The following TPO variants were observed in gnomAD, a reference collection of about 807,000 sequenced individuals.
TPO encodes the protein thyroid microsomal antigen.
TPO carries 78 observed loss-of-function variants against 96.9 expected under a neutral mutation model. The observed-to-expected ratio is 0.81, with a 90% CI of 0.67 to 0.97. The LOEUF (loss-of-function observed/expected upper bound fraction) is 0.97, where lower values mean the gene tolerates loss of function less well. TPO is among the 50% of genes least tolerant of loss of function. TPO has a pLI of 0.00. For missense variants in TPO, 1,252 were observed against 1,274.8 expected, an observed-to-expected ratio of 0.98 and a Z score of 0.27; for synonymous variants, 547 against 538.0, an observed-to-expected ratio of 1.02 and a Z score of -0.23.
At chr2:1,452,461 G>T (rs1667393570) in intron 5 of TPO, among the ~76,000 whole-genome samples, 1 of 152,140 alleles carries the variant, frequency 6.6e-6, no homozygotes, top group East Asian at 1.9e-4. Flanking sequence ...ATTCCACTTT[G>T]GTTAGGAATT....
chr2:1,447,883 A>G (rs113048614), intron 5 of TPO, among the ~76,000 whole-genome samples: 1 of 152,194 alleles, frequency 6.6e-6, no homozygotes, highest in Admixed American at 6.5e-5. Flanking sequence ...GTATACAATT[A>G]TGAGAGAGAG....
intron 15 of TPO, among the ~76,000 whole-genome samples, chr2:1,524,487 T>C (rs1184082498): frequency 1.4e-5 from 1 of 70,968 alleles, no homozygotes. Context: ...GTGTGCAACC[T>C]CCTCAAATCC....
intron 1 of TPO, among the ~76,000 whole-genome samples, chr2:1,406,344 T>A (rs979888591): frequency 3.3e-5 from 5 of 152,276 alleles, no homozygotes; most frequent in African/African-American, 7.2e-5. Flanking sequence ...TACCATTTTT[T>A]AAAATTTATT....
At chr2:1,408,111 C>T (rs13400534) in intron 1 of TPO, among the ~76,000 whole-genome samples, 86,532 of 151,996 alleles carry the variant, frequency 0.57, 24,901 homozygotes, top group Admixed American at 0.65. Flanking sequence ...TTACAGAATG[C>T]TCTTTTGCCA....
intron 5 of TPO, among the ~76,000 whole-genome samples, chr2:1,440,134 CTGTGCTGCGTTTCCAA>C (rs1471493337): frequency 2.1e-5 from 3 of 140,574 alleles, no homozygotes; most frequent in African/African-American, 8.1e-5. Flanking sequence ...TACATTTCCA[CTGTGCTGCGTTTCCAA>C]TGTGCTGCGT....
At chr2:1,504,396 G>T (rs1414900165) in intron 14 of TPO, among the ~76,000 whole-genome samples, 10 of 152,162 alleles carry the variant, frequency 6.6e-5, no homozygotes, top group Non-Finnish European at 1.3e-4. Context: ...CTATGAAACA[G>T]GCAGGATTCA....
At chr2:1,457,060 CATAT>C (rs568238183) in intron 7 of TPO, among the ~76,000 whole-genome samples, 1 of 5,640 alleles carries the variant, frequency 1.8e-4, no homozygotes, top group African/African-American at 5.6e-4. Flanking sequence ...TGTGGGTACA[CATAT>C]ATAGCATGTA....
intron 15 of TPO, 93 bp from the exon 16 acceptor site, chr2:1,540,501 C>G (rs1680608932): frequency 5.0e-6 from 8 of 1,599,034 alleles, no homozygotes; most frequent in Middle Eastern, 2.0e-4. Context: ...AAGACAAGCA[C>G]GGCTGCCTTG....
chr2:1,514,084 G>T (rs975848054), intron 14 of TPO, among the ~76,000 whole-genome samples: 8 of 152,300 alleles, frequency 5.3e-5, no homozygotes, highest in East Asian at 3.9e-4. Flanking sequence ...CCCAGGATCT[G>T]CTGTCTGCAA....
At chr2:1,484,569 A>G in intron 8 of TPO, 27 bp from the exon 9 acceptor site, 1 of 1,613,870 alleles carries the variant, frequency 6.2e-7, no homozygotes, top group South Asian at 1.1e-5. Context: ...CCTGGGCCTC[A>G]CTGAGATGCT....
intron 10 of TPO, among the ~76,000 whole-genome samples, chr2:1,489,784 T>C (rs942052375): frequency 6.6e-6 from 1 of 152,240 alleles, no homozygotes; most frequent in African/African-American, 2.4e-5. Flanking sequence ...AGACCTGGGA[T>C]TGGACCTGAG....
intron 15 of TPO, among the ~76,000 whole-genome samples, chr2:1,537,035 C>CTG (rs1430588405): frequency 4.1e-5 from 5 of 121,800 alleles, no homozygotes; most frequent in Admixed American, 9.0e-5. Context: ...CTCAAATACC[C>CTG]CCACTGTGTG....
chr2:1,404,352 C>T (rs1390005194), intron 1 of TPO, among the ~76,000 whole-genome samples: 1 of 152,160 alleles, frequency 6.6e-6, no homozygotes, highest in Non-Finnish European at 1.5e-5. Context: ...TGCTGTGACC[C>T]AGTGAGAGGA....
intron 15 of TPO, among the ~76,000 whole-genome samples, chr2:1,538,497 CATA>C (rs1358316138): frequency 1.3e-5 from 2 of 152,166 alleles, no homozygotes; most frequent in African/African-American, 4.8e-5. Flanking sequence ...TTTAAAAAGA[CATA>C]AGAGCTCTCT....
At chr2:1,461,419 C>G (rs79929962) in intron 7 of TPO, among the ~76,000 whole-genome samples, 10,207 of 152,268 alleles carry the variant, frequency 0.067, 574 homozygotes, top group African/African-American at 0.14. Flanking sequence ...TCCTGTGGCC[C>G]TAGGCACTGT....
At chr2:1,427,021 C>T (rs948451580) in intron 3 of TPO, among the ~76,000 whole-genome samples, 4 of 152,134 alleles carry the variant, frequency 2.6e-5, no homozygotes, top group Non-Finnish European at 5.9e-5. Flanking sequence ...ACCACCCTAC[C>T]CCCTCATTCA....
At chr2:1,470,457 A>G (rs1365457865) in intron 7 of TPO, among the ~76,000 whole-genome samples, 1 of 151,672 alleles carries the variant, frequency 6.6e-6, no homozygotes, top group Non-Finnish European at 1.5e-5. Flanking sequence ...GATTTTCGTC[A>G]ATTTTTTTTC....
At chr2:1,537,714 G>A (rs56041414) in intron 15 of TPO, among the ~76,000 whole-genome samples, 48,145 of 97,118 alleles carry the variant, frequency 0.5, 11,093 homozygotes, top group Admixed American at 0.52. Context: ...AACTGTGAGC[G>A]ACCTCCCCAA....
chr2:1,532,523 ACCT>A (rs1256857892), intron 15 of TPO, among the ~76,000 whole-genome samples: 1 of 94,642 alleles, frequency 1.1e-5, no homozygotes, highest in Non-Finnish European at 2.1e-5. Context: ...ACTCTGAGCA[ACCT>A]CCTCAAATAC....
Sources: allele counts gnomAD v4.1 joint callset (sites outside exome capture counted in the v4.1 genomes callset), GRCh38; gene constraint gnomAD v4.1.1; transcripts MANE v1.5; gene names NCBI Gene and HGNC (gene_info 2026-07-23, HGNC 2026-07-21).